DGKB: variants seen among roughly 807,000 people sequenced by gnomAD.
DGKB encodes the protein diacylglycerol kinase beta.
Under a neutral mutation model 114.3 loss-of-function variants are expected in DGKB, and 67 were observed. The observed-to-expected ratio is 0.59, with a 90% CI of 0.48 to 0.72. The LOEUF (loss-of-function observed/expected upper bound fraction) is 0.72. Ranked by LOEUF, DGKB falls within the 30% of genes least tolerant of loss-of-function variation. DGKB has a pLI of 0.00. For synonymous variants in DGKB, 398 were observed against 323.1 expected, an observed-to-expected ratio of 1.23 and a Z score of -2.49; for missense variants, 907 against 975.2, an observed-to-expected ratio of 0.93 and a Z score of 0.93.
intron 23 of DGKB, among the ~76,000 whole-genome samples, chr7:14,286,327 G>T (rs1196924213): frequency 6.6e-6 from 1 of 152,006 alleles, no homozygotes; most frequent in African/African-American, 2.4e-5. Flanking sequence ...CTGAAGACAC[G>T]CCATATAGCT....
chr7:14,528,201 A>G (rs1426179028), intron 20 of DGKB, among the ~76,000 whole-genome samples: 2 of 152,080 alleles, frequency 1.3e-5, no homozygotes, highest in Non-Finnish European at 2.9e-5. Flanking sequence ...ACCTCCATCT[A>G]ACAGGTCTTT....
At chr7:14,199,437 C>T (rs752707279) in intron 23 of DGKB, among the ~76,000 whole-genome samples, 14 of 151,898 alleles carry the variant, frequency 9.2e-5, no homozygotes, top group South Asian at 4.1e-4. Context: ...TGGACACCTC[C>T]GGAAAGGGCA....
At chr7:14,956,049 C>T (rs1017178071) in intron 1 of DGKB, among the ~76,000 whole-genome samples, 1 of 151,756 alleles carries the variant, frequency 6.6e-6, no homozygotes, top group Non-Finnish European at 1.5e-5. Context: ...TGGCAAAACT[C>T]GTGATAACAA....
chr7:14,257,493 C>T (rs1796116633), intron 23 of DGKB, among the ~76,000 whole-genome samples: 1 of 152,020 alleles, frequency 6.6e-6, no homozygotes, highest in African/African-American at 2.4e-5. Flanking sequence ...CCCATAATCC[C>T]CATGTATCCT....
chr7:14,339,474 T>G (rs1811252957), intron 22 of DGKB, among the ~76,000 whole-genome samples: 1 of 151,994 alleles, frequency 6.6e-6, no homozygotes, highest in Admixed American at 6.6e-5. Flanking sequence ...CAATTTTTCT[T>G]ATTTTCCTGG....
chr7:14,577,971 G>A (rs1799408452), intron 19 of DGKB, among the ~76,000 whole-genome samples: 1 of 152,100 alleles, frequency 6.6e-6, no homozygotes, highest in Non-Finnish European at 1.5e-5. Context: ...TTGGCTCTGT[G>A]TCCCCACTCA....
At chr7:14,327,569 T>G (rs1053056262) in intron 23 of DGKB, among the ~76,000 whole-genome samples, 2 of 152,148 alleles carry the variant, frequency 1.3e-5, no homozygotes, top group African/African-American at 4.8e-5. Context: ...TGCATATCTC[T>G]GAGAGCTCCT....
In DGKB at chr7:14,763,427, C is replaced by T. The variant is rs561361045; in HGVS notation, c.71-5696G>A. Among the ~76,000 whole-genome samples the T allele has an allele frequency of 3.3e-5, 5 of 152,170 alleles. No individual in the cohort carries two copies. The South Asian group carries it at 1.0e-3, about 31-fold the overall frequency. On this transcript the variant is annotated intron_variant, in intron 2 of 25. Coordinates refer to ENST00000402815, the MANE Select transcript of DGKB (RefSeq NM_001350709.2). ...GTTCTATTATCTCATTTAAAATTCA[C>T]AATAATGTTAACAAATATTCACTCC...
rs139891504 is a variant in DGKB at position 14,338,350 on chromosome 7, T to A, written c.2122+165A>T. On this transcript the variant is annotated intron_variant, in intron 23 of 25. Transcript: ENST00000402815. The stretch of plus-strand genomic sequence containing the variant: ...TAGCCAATTTATACTTGAGTTAGAA[T>A]CTATTGTGATATAAGTTAATCACAC... Among the ~76,000 whole-genome samples the A allele has an allele frequency of 7.1e-3, 1,088 of 152,228 alleles. 12 individuals are homozygous for A. The highest frequency in any genetic ancestry group is 0.025 in the African/African-American group (1,054 of 41,544).
At position 14,725,495 on chromosome 7, in the gene DGKB, A is replaced by C. The variant is rs370362378; in HGVS notation, c.323-6810T>G. ...AAAAGAAATTCCAATAATCTCCTTA[A>C]ATTTCACTGTACAGATATTGTTCAG... On this transcript the variant is annotated intron_variant, in intron 5 of 25. Transcript: ENST00000402815. Among the ~76,000 whole-genome samples the C allele has an allele frequency of 7.2e-5, 11 of 152,270 alleles. No individual in the cohort carries two copies. In the South Asian group the frequency reaches 1.2e-3, roughly 17 times the overall value.
chr7:14,193,391 T>A (rs934964388), intron 23 of DGKB, among the ~76,000 whole-genome samples: 1 of 151,978 alleles, frequency 6.6e-6, no homozygotes, highest in East Asian at 1.9e-4. Context: ...AGAAATACAT[T>A]CAACACCTAC....
intron 21 of DGKB, among the ~76,000 whole-genome samples, chr7:14,381,048 C>A (rs950498416): frequency 6.6e-6 from 1 of 152,210 alleles, no homozygotes; most frequent in Non-Finnish European, 1.5e-5. Flanking sequence ...AGGCTCCTCA[C>A]AGTGCATGAT....
chr7:14,560,237 C>T (rs967455694), intron 20 of DGKB, among the ~76,000 whole-genome samples: 2 of 151,930 alleles, frequency 1.3e-5, no homozygotes, highest in African/African-American at 4.8e-5. Context: ...TGAGATCTAC[C>T]TTCTTAACAA....
intron 21 of DGKB, among the ~76,000 whole-genome samples, chr7:14,395,172 A>G (rs936238255): frequency 2.6e-5 from 4 of 152,122 alleles, no homozygotes; most frequent in African/African-American, 7.2e-5. Flanking sequence ...AGTAAATGCT[A>G]TTAATTATGA....
intron 17 of DGKB, among the ~76,000 whole-genome samples, chr7:14,584,226 GTAC>G (rs1336423255): frequency 3.9e-5 from 6 of 152,188 alleles, no homozygotes; most frequent in African/African-American, 1.4e-4. Flanking sequence ...ATAAGTTCAT[GTAC>G]TACAAGATAA....
intron 21 of DGKB, among the ~76,000 whole-genome samples, chr7:14,476,108 C>T (rs1034493442): frequency 2.0e-5 from 3 of 151,618 alleles, no homozygotes; most frequent in Non-Finnish European, 4.4e-5. Flanking sequence ...TGCTTGAAAC[C>T]TATTTTAATA....
intron 21 of DGKB, among the ~76,000 whole-genome samples, chr7:14,466,068 G>A (rs1186936714): frequency 2.0e-5 from 3 of 152,172 alleles, no homozygotes; most frequent in African/African-American, 4.8e-5. Context: ...CATTTCAAGT[G>A]TACATCTACT....
chr7:14,396,648 G>C (rs543413145), intron 21 of DGKB, among the ~76,000 whole-genome samples: 42 of 152,200 alleles, frequency 2.8e-4, no homozygotes, highest in South Asian at 2.1e-3. Context: ...TAAAGCAGAT[G>C]GCATATTTAA....
chr7:14,877,482 G>A (rs747493161), intron 1 of DGKB, among the ~76,000 whole-genome samples: 2 of 152,158 alleles, frequency 1.3e-5, no homozygotes, highest in South Asian at 4.2e-4. Context: ...TTGAACCCAG[G>A]AGGCAGAGGT....
Sources: gnomAD v4.1 joint callset for allele counts (sites outside exome capture counted in the v4.1 genomes callset) on GRCh38, gnomAD v4.1.1 for gene constraint, MANE v1.5 for transcripts, NCBI Gene and HGNC (gene_info 2026-07-23, HGNC 2026-07-21) for gene names.